WWOX: variants seen among roughly 807,000 people sequenced by gnomAD.
The protein encoded by WWOX is WW domain containing oxidoreductase.
A neutral mutation model predicts 46.2 loss-of-function variants in WWOX; 69 were observed. The observed-to-expected ratio is 1.49, with a 90% CI of 1.23 to 1.82. The LOEUF is 1.82. WWOX is among the 40% of genes most tolerant of loss of function. The probability of loss-of-function intolerance (pLI) is 0.00; values close to 1 mark genes in which losing one functional copy is unlikely to be tolerated. For missense variants in WWOX, 919 were observed against 542.6 expected (o/e 1.69, Z -6.89); for synonymous variants, 359 against 202.6 (o/e 1.77, Z -6.56).
intron 5 of WWOX, among the ~76,000 whole-genome samples, chr16:78,256,286 G>A (rs1212975431): frequency 6.6e-6 from 1 of 151,924 alleles, no homozygotes; most frequent in African/African-American, 2.4e-5. Flanking sequence ...CCTAAATGAG[G>A]AGAACCAAAG....
intron 8 of WWOX, among the ~76,000 whole-genome samples, chr16:78,529,978 G>A (rs112829169): frequency 0.022 from 3,345 of 152,304 alleles, 73 homozygotes; most frequent in Admixed American, 0.059. Context: ...TTTGCAGGCA[G>A]GAAGTGGAGT....
chr16:79,193,773 G>A (rs2051184604), intron 8 of WWOX, among the ~76,000 whole-genome samples: 1 of 152,176 alleles, frequency 6.6e-6, no homozygotes, highest in South Asian at 2.1e-4. Flanking sequence ...GCAAAGCCCA[G>A]CTCCTCACAA....
intron 5 of WWOX, among the ~76,000 whole-genome samples, chr16:78,352,167 G>A (rs747921008): frequency 1.6e-4 from 24 of 152,190 alleles, no homozygotes; most frequent in Non-Finnish European, 2.6e-4. Context: ...CCAGACCTTG[G>A]CTTCTCTGTC....
intron 8 of WWOX, among the ~76,000 whole-genome samples, chr16:79,103,660 C>T (rs2051446959): frequency 1.3e-5 from 2 of 152,132 alleles, no homozygotes; most frequent in African/African-American, 2.4e-5. Context: ...TTTAAAATGA[C>T]CTATCCAGTC....
Position 78,805,394 on chromosome 16 carries a change from G to C in WWOX, c.1056+372642G>C, listed in dbSNP as rs552169718. Among the ~76,000 whole-genome samples the C allele has an allele frequency of 7.4e-4, 113 of 152,024 alleles. 1 individual carries two copies. The highest frequency in any genetic ancestry group is 2.7e-3 in the African/African-American group (110 of 41,462). The stretch of plus-strand genomic sequence containing the variant: ...TCCTGTCTCAGCCTCCGGAGTAGCT[G>C]GGACTACAGGCACCCGCCACCTCGC... On this transcript the variant is annotated intron_variant, in intron 8 of 8. Transcript: ENST00000566780.
chr16:78,814,686 A>G (rs2051285289), intron 8 of WWOX, among the ~76,000 whole-genome samples: 1 of 152,236 alleles, frequency 6.6e-6, no homozygotes, highest in Non-Finnish European at 1.5e-5. Context: ...TCCAGGGTCA[A>G]GGTTTTCCAA....
At chr16:78,912,449 G>T (rs556279452) in intron 8 of WWOX, among the ~76,000 whole-genome samples, 48 of 151,938 alleles carry the variant, frequency 3.2e-4, no homozygotes, top group African/African-American at 1.1e-3. Context: ...AGGGGTTTTT[G>T]CCTGCGTCTT....
intron 8 of WWOX, among the ~76,000 whole-genome samples, chr16:78,739,244 A>G (rs552109856): frequency 6.6e-6 from 1 of 152,260 alleles, no homozygotes; most frequent in African/African-American, 2.4e-5. Flanking sequence ...CCTGGAGGCC[A>G]TGTTGTTTGT....
chr16:79,111,230 G>A lies in WWOX; in HGVS notation c.1057-100378G>A, dbSNP rs189954872. On this transcript the variant is annotated intron_variant, in intron 8 of 8. Transcript: ENST00000566780. Reference sequence around the variant, plus strand: ...TGGTATGACCAAGGGCTCATGATTTGTAAGCAGTTCAGGCACTGAGACCCG... The same window carrying A: ...TGGTATGACCAAGGGCTCATGATTTATAAGCAGTTCAGGCACTGAGACCCG... Among the ~76,000 whole-genome samples, 1,021 of 152,296 alleles carry A rather than the reference G, an allele frequency of 6.7e-3. 12 individuals carry two copies. The highest frequency in any genetic ancestry group is 0.024 in the African/African-American group (979 of 41,556).
chr16:78,328,922 T>C (rs2080696240), intron 5 of WWOX, among the ~76,000 whole-genome samples: 1 of 152,222 alleles, frequency 6.6e-6, no homozygotes, highest in Admixed American at 6.5e-5. Context: ...AGTGCAGTGG[T>C]GCGATCTCAG....
intron 8 of WWOX, among the ~76,000 whole-genome samples, chr16:78,804,534 C>T (rs1319396842): frequency 6.6e-6 from 1 of 152,182 alleles, no homozygotes; most frequent in Non-Finnish European, 1.5e-5. Context: ...GTGTGGCTCT[C>T]ATTTGGAGCC....
Position 78,626,279 on chromosome 16 carries a change from C to T in WWOX, c.1056+193527C>T, listed in dbSNP as rs147773477. Reference sequence around the variant, plus strand: ...CTGAGCAGGTGGGACCACAGGCATGCGCCACCACGCTCAGCTAATTTTTGC... The same window carrying T: ...CTGAGCAGGTGGGACCACAGGCATGTGCCACCACGCTCAGCTAATTTTTGC... On this transcript the variant is annotated intron_variant, in intron 8 of 8. Coordinates refer to ENST00000566780, the MANE Select transcript of WWOX (RefSeq NM_016373.4). Among the ~76,000 whole-genome samples the T allele has an allele frequency of 6.1e-3, 928 of 152,136 alleles. 7 individuals are homozygous for T. Among genetic ancestry groups the T allele is most frequent in the Middle Eastern group, 0.017 (5 of 294 alleles).
At chr16:78,684,021 C>T (rs2047796644) in intron 8 of WWOX, among the ~76,000 whole-genome samples, 1 of 152,188 alleles carries the variant, frequency 6.6e-6, no homozygotes, top group East Asian at 1.9e-4. Context: ...GCTGATTCTG[C>T]TGCTGCTGGA....
intron 5 of WWOX, among the ~76,000 whole-genome samples, chr16:78,329,837 C>T (rs948789572): frequency 6.6e-6 from 1 of 151,548 alleles, no homozygotes; most frequent in Non-Finnish European, 1.5e-5. Context: ...GCCTCAAACT[C>T]TTTGGCTCCA....
intron 8 of WWOX, among the ~76,000 whole-genome samples, chr16:78,748,146 C>T (rs1161955801): frequency 6.6e-6 from 1 of 152,160 alleles, no homozygotes; most frequent in African/African-American, 2.4e-5. Flanking sequence ...TTATCCATTG[C>T]ACCCCGTGTC....
chr16:78,953,572 C>T (rs779341324), intron 8 of WWOX, among the ~76,000 whole-genome samples: 51 of 152,284 alleles, frequency 3.3e-4, no homozygotes, highest in South Asian at 4.1e-4. Context: ...GACTCATTGA[C>T]GGCAGAGAGT....
chr16:78,201,631 C>A (rs1364375541), intron 5 of WWOX, among the ~76,000 whole-genome samples: 3 of 152,082 alleles, frequency 2.0e-5, no homozygotes, highest in African/African-American at 7.2e-5. Flanking sequence ...CTCATCTTTA[C>A]CCCTCTCCCA....
At chr16:78,141,993 CTT>C (rs34178361) in intron 4 of WWOX, among the ~76,000 whole-genome samples, 70,226 of 145,862 alleles carry the variant, frequency 0.48, 16,625 homozygotes, top group East Asian at 0.51. Context: ...TTTTAAATTT[CTT>C]TTTTTTTTTT....
In WWOX at chr16:78,944,696, A is replaced by G. The variant is rs866662897; in HGVS notation, c.1057-266912A>G. On this transcript the variant is annotated intron_variant, in intron 8 of 8. Transcript: ENST00000566780. Reference sequence around the variant, plus strand: ...GCATGTGGGGAATGCAAGTCACAATATCCTGCAAAAGCCAACTTGAGACCT... The same window carrying G: ...GCATGTGGGGAATGCAAGTCACAATGTCCTGCAAAAGCCAACTTGAGACCT... Among the ~76,000 whole-genome samples the G allele has an allele frequency of 8.5e-4, 129 of 152,148 alleles. 1 individual carries two copies. Among genetic ancestry groups the G allele is most frequent in the African/African-American group, 3.1e-3 (127 of 41,524 alleles).
Sources: gnomAD v4.1 joint callset for allele counts (sites outside exome capture counted in the v4.1 genomes callset) on GRCh38, gnomAD v4.1.1 for gene constraint, MANE v1.5 for transcripts, NCBI Gene and HGNC (gene_info 2026-07-23, HGNC 2026-07-21) for gene names.